The following GNA11 variants were observed in gnomAD, a reference collection of about 807,000 sequenced individuals.
GNA11 encodes the protein G protein subunit alpha 11.
A neutral mutation model predicts 38.2 loss-of-function variants in GNA11; 8 were observed. The ratio of observed to expected loss-of-function variants is 0.21; its 90% CI spans 0.12 to 0.38. The LOEUF is 0.38. Among genes scored for constraint, GNA11 ranks in the 10% least tolerant of loss-of-function variants. The probability of loss-of-function intolerance (pLI) is 1.00; values close to 1 mark genes in which losing one functional copy is unlikely to be tolerated. For missense variants in GNA11, 268 were observed against 516.3 expected (o/e 0.52, Z 4.66); for synonymous variants, 211 against 221.4 (o/e 0.95, Z 0.42).
At position 3,119,988 on chromosome 19, in the gene GNA11, G is replaced by A. The variant is rs1170808631; in HGVS notation, c.889+629G>A. ...GCCTGGGGATGGCGGCCAGGGGAGG[G>A]TGTTGTGTGCCCTCGTCTGTGTGGT... On this transcript the variant is annotated intron_variant, in intron 6 of 6. Coordinates refer to ENST00000078429, the MANE Select transcript of GNA11 (RefSeq NM_002067.5). This position sits in a 1 kb window ranked among gnomAD's most constrained non-coding sequence, Gnocchi z 4.6. 6.6e-6 allele frequency among the ~76,000 whole-genome samples: 1 copy of A among 152,050 alleles called. No individual in the cohort carries two copies. Among genetic ancestry groups the A allele is most frequent in the African/African-American group, 2.4e-5 (1 of 41,384 alleles).
In GNA11 at chr19:3,096,396, G is replaced by A. The variant is rs181178990; in HGVS notation, c.136+1609G>A. Among the ~76,000 whole-genome samples, 210 of 152,282 alleles carry A rather than the reference G, an allele frequency of 1.4e-3. 1 individual carries two copies. Among genetic ancestry groups the A allele is most frequent in the African/African-American group, 4.8e-3 (201 of 41,558 alleles). The stretch of plus-strand genomic sequence containing the variant: ...CTGGCTGGCTTTTGTAGTGGGTCGT[G>A]GACTTTGTTTGGATGGAGGGGAGTT... On this transcript the variant is annotated intron_variant, in intron 1 of 6. Transcript: ENST00000078429.
intron 1 of GNA11, among the ~76,000 whole-genome samples, chr19:3,097,729 G>C (rs908119726): frequency 3.4e-5 from 5 of 145,398 alleles, no homozygotes; most frequent in Non-Finnish European, 7.5e-5. Flanking sequence ...CGCCTCTCCC[G>C]CGGCGGCTAA....
chr19:3,097,856 G>C (rs1388267097), intron 1 of GNA11, among the ~76,000 whole-genome samples: 1 of 152,206 alleles, frequency 6.6e-6, no homozygotes, highest in East Asian at 1.9e-4. Flanking sequence ...GGCACTGCAG[G>C]GTGCTGAGCA....
intron 1 of GNA11, among the ~76,000 whole-genome samples, chr19:3,102,541 A>C (rs569697072): frequency 2.0e-4 from 30 of 152,180 alleles, no homozygotes; most frequent in Admixed American, 4.6e-4. Context: ...CCTGCCGGGG[A>C]TAAGCTGCGG....
chr19:3,120,847 C>T lies in GNA11; in HGVS notation c.890-142C>T, dbSNP rs308042. 1.6e-3 allele frequency: 963 copies of T among 608,964 alleles called. 11 individuals are homozygous for T. The highest frequency in any genetic ancestry group is 0.015 in the African/African-American group (793 of 53,920). The allele number at this position is 608,964 out of a possible 1,614,324, so 37.7% of individuals were successfully genotyped here. A position where few individuals can be genotyped will look rare whatever the true frequency, so the allele number is the denominator to read the frequency against. Reference sequence around the variant, plus strand: ...CTGGGGAGGGAGGGGAGCTGCGGCCCGTCAGGCATGCAGTGGGCTGGGGGT... The same window carrying T: ...CTGGGGAGGGAGGGGAGCTGCGGCCTGTCAGGCATGCAGTGGGCTGGGGGT... On this transcript the variant is annotated intron_variant, in intron 6 of 6. Transcript: ENST00000078429. This position sits in a 1 kb window ranked among gnomAD's most constrained non-coding sequence, Gnocchi z 5.9.
intron 3 of GNA11, among the ~76,000 whole-genome samples, chr19:3,114,087 G>A (rs1056160880): frequency 2.6e-5 from 4 of 152,134 alleles, no homozygotes; most frequent in Admixed American, 6.5e-5. Flanking sequence ...CCCCAGCACC[G>A]GGAGAGACCC....
At chr19:3,112,851 A>G (rs2145317920) in intron 2 of GNA11, among the ~76,000 whole-genome samples, 1 of 152,384 alleles carries the variant, frequency 6.6e-6, no homozygotes, top group Admixed American at 6.5e-5. Flanking sequence ...ACTGCAGGCG[A>G]TGCCGCTGGT....
In GNA11 at chr19:3,120,951, C is replaced by G. The variant is rs777708537; in HGVS notation, c.890-38C>G. 6.5e-7 allele frequency: 1 copy of G among 1,536,718 alleles called. No homozygotes were observed. The highest frequency in any genetic ancestry group is 1.2e-5 in the South Asian group (1 of 86,292). On this transcript the variant is annotated intron_variant, in intron 6 of 6. Transcript: ENST00000078429. This position sits in a 1 kb window ranked among gnomAD's most constrained non-coding sequence, Gnocchi z 5.9. ...GGCCCACGAGTCCCTTGCCCTGGGC[C>G]GGGCTGGGGCACAGCCTCACCCTCT...
Position 3,113,381 on chromosome 19 carries a change from G to A in GNA11, c.373G>A (p.Glu125Lys), listed in dbSNP as rs1170008066. 9 of 1,613,162 alleles carry A rather than the reference G, an allele frequency of 5.6e-6. No homozygotes were observed. Among genetic ancestry groups the A allele is most frequent in the South Asian group, 1.1e-5 (1 of 91,078 alleles). The change falls in exon 3 of 7, where the codon GAG becomes AAG. Residue 125 changes from glutamate (E) to lysine (K), a missense_variant. By Grantham distance (56) the Glu-to-Lys change is moderately conservative. This residue lies in a region of GNA11 where 151 missense variants were observed against 254.0 expected (regional missense o/e 0.59). Transcript: ENST00000078429. ...GGACGTGGAGAAGGTGACCACCTTC[G>A]AGCATCAGTACGTCAGTGCCATCAA... is the stretch of plus-strand genomic sequence containing the variant. ...EVDVEKVTTF[E>K]HQYVSAIKTL...
intron 1 of GNA11, among the ~76,000 whole-genome samples, chr19:3,099,071 C>A (rs546293036): frequency 6.6e-6 from 1 of 152,176 alleles, no homozygotes; most frequent in East Asian, 1.9e-4. Context: ...GATTTAACCA[C>A]GAGAGGTTTC....
rs751890914 is a variant in GNA11 at position 3,114,940 on chromosome 19, G to C, written c.477-4G>C. ...CGGCCTGAGCACCCACCGCTGTGTTGCAGCTACCTGACCGACGTTGACCGC... is the reference window on the plus strand; with the variant it reads ...CGGCCTGAGCACCCACCGCTGTGTTCCAGCTACCTGACCGACGTTGACCGC... On this transcript the variant is annotated splice_polypyrimidine_tract_variant and splice_region_variant and intron_variant, in intron 3 of 6. Coordinates refer to ENST00000078429, the MANE Select transcript of GNA11 (RefSeq NM_002067.5). 5.6e-6 allele frequency: 9 copies of C among 1,601,786 alleles called. No homozygotes were observed. In the Admixed American group the frequency reaches 1.5e-4, roughly 27 times the overall value.
intron 1 of GNA11, among the ~76,000 whole-genome samples, chr19:3,098,818 C>T (rs1354864098): frequency 6.6e-6 from 1 of 152,202 alleles, no homozygotes; most frequent in Non-Finnish European, 1.5e-5. Flanking sequence ...CCTCGTCCAA[C>T]CTTGACTTCC....
At chr19:3,112,149 T>C (rs1008617985) in intron 2 of GNA11, among the ~76,000 whole-genome samples, 5 of 152,264 alleles carry the variant, frequency 3.3e-5, no homozygotes, top group African/African-American at 9.6e-5. Context: ...GGGTGTGCTC[T>C]CTGGCTCTCT....
intron 2 of GNA11, among the ~76,000 whole-genome samples, chr19:3,111,176 T>C (rs568076678): frequency 6.6e-6 from 1 of 152,306 alleles, no homozygotes; most frequent in South Asian, 2.1e-4. Context: ...TTTATTGAGT[T>C]ATAATTCACA....
At chr19:3,112,248 T>C (rs1280990006) in intron 2 of GNA11, among the ~76,000 whole-genome samples, 2 of 152,014 alleles carry the variant, frequency 1.3e-5, no homozygotes, top group African/African-American at 4.8e-5. Flanking sequence ...TCCCCCTAGG[T>C]GTGCTTATCC....
At position 3,094,903 on chromosome 19, in the gene GNA11, G is replaced by A; in HGVS notation, c.136+116G>A. The A allele has an allele frequency of 1.4e-6, 1 of 700,558 alleles. No homozygotes were observed. Among genetic ancestry groups the A allele is most frequent in the East Asian group, 3.5e-5 (1 of 28,330 alleles). The allele number at this position is 700,558 out of a possible 1,614,324, so 43.4% of individuals were successfully genotyped here. ...CAGCCCTGCCTGTGCCGTCCGGGTC[G>A]CGAGACCCTCCGGGGTCAGCCCTGC... is the stretch of plus-strand genomic sequence containing the variant. On this transcript the variant is annotated intron_variant, in intron 1 of 6. Transcript: ENST00000078429. The surrounding 1 kb of genome is among the most constrained non-coding windows in gnomAD (Gnocchi z 6.0).
At chr19:3,113,006 G>A (rs112944226) in intron 2 of GNA11, among the ~76,000 whole-genome samples, 1 of 152,196 alleles carries the variant, frequency 6.6e-6, no homozygotes, top group African/African-American at 2.4e-5. Context: ...TGGGTTTGAA[G>A]TGTGTGTGTT....
intron 3 of GNA11, among the ~76,000 whole-genome samples, chr19:3,114,375 G>T (rs1599304510): frequency 6.6e-6 from 1 of 152,298 alleles, no homozygotes; most frequent in South Asian, 2.1e-4. Flanking sequence ...GGCATGAGGG[G>T]AACCAAGGAA....
intron 1 of GNA11, among the ~76,000 whole-genome samples, chr19:3,107,348 T>G (rs1314279895): frequency 6.6e-6 from 1 of 152,230 alleles, no homozygotes; most frequent in Non-Finnish European, 1.5e-5. Context: ...GCATCCTCGC[T>G]GAGAGCTGAG....
Sources: gnomAD v4.1 joint callset for allele counts (sites outside exome capture counted in the v4.1 genomes callset) on GRCh38, gnomAD v4.1.1 for gene constraint, gnomAD v4.1.1 regional missense constraint, Gnocchi (gnomAD v3.1) non-coding constraint, MANE v1.5 for transcripts, NCBI Gene and HGNC (gene_info 2026-07-23, HGNC 2026-07-21) for gene names.